ZFAND6: variants seen among roughly 807,000 people sequenced by gnomAD.
ZFAND6 encodes the protein AN1-type zinc finger protein 6.
ZFAND6 carries 12 observed loss-of-function variants against 24.5 expected under a neutral mutation model. That is an observed-to-expected ratio of 0.49 (90% CI 0.31 to 0.79). ZFAND6 has a LOEUF of 0.79. Among genes scored for constraint, ZFAND6 ranks in the 30% least tolerant of loss-of-function variants. The pLI, the probability that ZFAND6 is intolerant of heterozygous loss-of-function variation, is 0.04. For synonymous variants in ZFAND6, 92 were observed against 81.5 expected, an observed-to-expected ratio of 1.13 and a Z score of -0.69; for missense variants, 207 against 245.9, an observed-to-expected ratio of 0.84 and a Z score of 1.06.
chr15:80,121,716 C>T lies in ZFAND6; in HGVS notation c.159C>T (p.Thr53=), dbSNP rs774953526. The T allele has an allele frequency of 6.8e-6, 11 of 1,613,564 alleles. No individual in the cohort carries two copies. The South Asian group carries it at 1.2e-4, about 18-fold the overall frequency. The part of the protein sequence containing the change: ...SSNGRISPPA[T]SVSSLSESLP... ...CGCAATGTGGTACTGTTACAGCAACCTCTGTCAGTAGTCTGTCTGAATCTT... is the reference window on the plus strand; with the variant it reads ...CGCAATGTGGTACTGTTACAGCAACTTCTGTCAGTAGTCTGTCTGAATCTT... The change falls in exon 4 of 7, where the codon ACC becomes ACT. Residue 53 remains threonine (T), a synonymous_variant. Coordinates refer to ENST00000261749, the MANE Select transcript of ZFAND6 (RefSeq NM_019006.4).
At chr15:80,121,653 T>C in intron 3 of ZFAND6, 59 bp from the exon 4 acceptor site, 1 of 1,414,328 alleles carries the variant, frequency 7.1e-7, no homozygotes, top group Non-Finnish European at 9.9e-7. Context: ...TTTTTTTAGA[T>C]AAGGTCTTAG....
rs541107356 is a variant in ZFAND6 at position 80,134,848 on chromosome 15, A to G, written c.479-2632A>G. Among the ~76,000 whole-genome samples the G allele has an allele frequency of 9.8e-5, 15 of 152,344 alleles. 1 individual carries two copies. The highest frequency in any genetic ancestry group is 2.9e-4 in the African/African-American group (12 of 41,580). On this transcript the variant is annotated intron_variant, in intron 6 of 6. Transcript: ENST00000261749. The stretch of plus-strand genomic sequence containing the variant: ...AGATTGACACTAGACAGTCTGACAG[A>G]AGGGGTCTGATTATTCAAGACTGCT...
At chr15:80,067,337 C>G (rs1354916630) in intron 1 of ZFAND6, among the ~76,000 whole-genome samples, 1 of 152,126 alleles carries the variant, frequency 6.6e-6, no homozygotes, top group Non-Finnish European at 1.5e-5. Flanking sequence ...TTTCAGTTTT[C>G]TCTACTCAAG....
intron 1 of ZFAND6, among the ~76,000 whole-genome samples, chr15:80,092,650 G>A (rs952846131): frequency 6.6e-6 from 1 of 152,118 alleles, no homozygotes; most frequent in African/African-American, 2.4e-5. Context: ...CCTCAAGGCT[G>A]TGCACGTAAT....
intron 1 of ZFAND6, among the ~76,000 whole-genome samples, chr15:80,081,842 T>C (rs950910888): frequency 6.6e-6 from 1 of 152,226 alleles, no homozygotes; most frequent in Non-Finnish European, 1.5e-5. Context: ...CATATATTAC[T>C]GAGTGCAAAC....
At position 80,082,865 on chromosome 15, in the gene ZFAND6, A is replaced by G. The variant is rs183327056; in HGVS notation, c.-180-15551A>G. Among the ~76,000 whole-genome samples the G allele has an allele frequency of 6.0e-4, 92 of 152,268 alleles. 1 individual carries two copies. The highest frequency in any genetic ancestry group is 1.9e-3 in the African/African-American group (81 of 41,544). On this transcript the variant is annotated intron_variant, in intron 1 of 6. Transcript: ENST00000261749. ...TTCCATCTTAGAAATTTATTATTCA[A>G]TTGAACTGCCCTCACCTCCCTTAAT...
intron 1 of ZFAND6, among the ~76,000 whole-genome samples, chr15:80,078,352 T>A (rs2037416617): frequency 6.6e-6 from 1 of 152,250 alleles, no homozygotes; most frequent in Admixed American, 6.5e-5. Context: ...GATAATGGCC[T>A]CCAGCCCCAT....
chr15:80,132,571 A>G (rs530346260), intron 6 of ZFAND6, among the ~76,000 whole-genome samples: 6 of 152,232 alleles, frequency 3.9e-5, no homozygotes, highest in Non-Finnish European at 5.9e-5. Context: ...AGGTGCTGCA[A>G]GTATCCACTT....
At chr15:80,110,209 A>G (rs2039538273) in intron 2 of ZFAND6, among the ~76,000 whole-genome samples, 1 of 152,198 alleles carries the variant, frequency 6.6e-6, no homozygotes, top group Non-Finnish European at 1.5e-5. Flanking sequence ...ACACTGATAA[A>G]ATGTGGGAAG....
intron 1 of ZFAND6, among the ~76,000 whole-genome samples, chr15:80,063,378 A>G (rs2036436388): frequency 1.3e-5 from 2 of 151,930 alleles, no homozygotes; most frequent in South Asian, 4.1e-4. Flanking sequence ...CTCAATTCAG[A>G]CTAGCTACAT....
intron 1 of ZFAND6, among the ~76,000 whole-genome samples, chr15:80,068,528 C>G (rs999350917): frequency 6.6e-6 from 1 of 152,046 alleles, no homozygotes; most frequent in Non-Finnish European, 1.5e-5. Context: ...AGTGCCACCA[C>G]GCCTGGCTAA....
At chr15:80,091,221 A>T (rs553371811) in intron 1 of ZFAND6, among the ~76,000 whole-genome samples, 1 of 150,974 alleles carries the variant, frequency 6.6e-6, no homozygotes, top group Non-Finnish European at 1.5e-5. Context: ...TTCTCACCCT[A>T]TTAGGTGATT....
At chr15:80,118,340 G>GTT (rs11376478) in intron 2 of ZFAND6, among the ~76,000 whole-genome samples, 7 of 151,702 alleles carry the variant, frequency 4.6e-5, no homozygotes, top group Non-Finnish European at 8.8e-5. Flanking sequence ...AGCCAGGATG[G>GTT]CTCTAGCTCC....
intron 2 of ZFAND6, among the ~76,000 whole-genome samples, chr15:80,108,719 G>C (rs2039459460): frequency 6.8e-6 from 1 of 146,746 alleles, no homozygotes; most frequent in Non-Finnish European, 1.5e-5. Flanking sequence ...ATGAGGCCAG[G>C]CATCCTTGTT....
chr15:80,108,249 G>C (rs1387808309), intron 2 of ZFAND6, among the ~76,000 whole-genome samples: 1 of 152,096 alleles, frequency 6.6e-6, no homozygotes, highest in African/African-American at 2.4e-5. Flanking sequence ...TTTAAAATTA[G>C]GGAAGGACAT....
At chr15:80,068,904 AGCGCATAACAGAC>A (rs1329258759) in intron 1 of ZFAND6, among the ~76,000 whole-genome samples, 1 of 152,246 alleles carries the variant, frequency 6.6e-6, no homozygotes, top group Non-Finnish European at 1.5e-5. Context: ...TGGTATCTTC[AGCGCATAACAGAC>A]GTTCAAAAGA....
intron 1 of ZFAND6, among the ~76,000 whole-genome samples, chr15:80,083,387 G>A (rs547465097): frequency 2.7e-4 from 41 of 152,220 alleles, no homozygotes; most frequent in African/African-American, 8.9e-4. Context: ...CAACTACTGG[G>A]TGCTATGCTA....
chr15:80,122,640 CATTAGTTAATA>C (rs2040196827), intron 4 of ZFAND6, 49 bp from the exon 5 acceptor site: 3 of 1,066,034 alleles, frequency 2.8e-6, no homozygotes, highest in Non-Finnish European at 4.3e-6. Context: ...TACTGTGTCA[CATTAGTTAATA>C]TTCATGTGTA....
chr15:80,089,580 G>C (rs923105440), intron 1 of ZFAND6, among the ~76,000 whole-genome samples: 8 of 151,986 alleles, frequency 5.3e-5, no homozygotes, highest in Non-Finnish European at 7.4e-5. Flanking sequence ...TCTTGACCTA[G>C]CATTCAACTA....
Sources: gnomAD v4.1 joint callset for allele counts (sites outside exome capture counted in the v4.1 genomes callset) on GRCh38, gnomAD v4.1.1 for gene constraint, MANE v1.5 for transcripts, NCBI Gene and HGNC (gene_info 2026-07-23, HGNC 2026-07-21) for gene names.